ITPR1: variants seen among roughly 807,000 people sequenced by gnomAD.
ITPR1 encodes the protein inositol 1,4,5-trisphosphate-gated calcium channel ITPR1.
ITPR1 carries 96 observed loss-of-function variants against 318.4 expected under a neutral mutation model. The ratio of observed to expected loss-of-function variants is 0.30; its 90% confidence interval spans 0.26 to 0.36. ITPR1 has a LOEUF of 0.36. ITPR1 is among the 10% of genes least tolerant of loss of function. The pLI, the probability that ITPR1 is intolerant of heterozygous loss-of-function variation, is 1.00. For missense variants in ITPR1, 2,440 were observed against 3,460.2 expected (o/e 0.71, Z 7.40); for synonymous variants, 1,312 against 1,289.9 (o/e 1.02, Z -0.37).
chr3:4,621,692 T>A (rs2092640710), intron 4 of ITPR1, among the ~76,000 whole-genome samples: 1 of 152,234 alleles, frequency 6.6e-6, no homozygotes, highest in Admixed American at 6.5e-5. Context: ...TGCTTCCCTC[T>A]CAAGCCTTAT....
At chr3:4,756,231 G>A (rs1327096130) in intron 44 of ITPR1, among the ~76,000 whole-genome samples, 2 of 152,168 alleles carry the variant, frequency 1.3e-5, no homozygotes, top group East Asian at 3.8e-4. Context: ...CTGCCTTTGG[G>A]TGTATTAAAC....
intron 30 of ITPR1, among the ~76,000 whole-genome samples, chr3:4,685,418 T>C (rs755808882): frequency 6.6e-6 from 1 of 152,266 alleles, no homozygotes; most frequent in Non-Finnish European, 1.5e-5. Context: ...AGTTTTAAGA[T>C]TCTGTAAAGA....
intron 4 of ITPR1, among the ~76,000 whole-genome samples, chr3:4,530,987 C>T (rs796677534): frequency 6.6e-6 from 1 of 152,154 alleles, no homozygotes; most frequent in Non-Finnish European, 1.5e-5. Flanking sequence ...TAAGTACCTT[C>T]CTCCTTTGTG....
intron 4 of ITPR1, among the ~76,000 whole-genome samples, chr3:4,614,020 C>T (rs1467185444): frequency 1.3e-5 from 2 of 152,158 alleles, no homozygotes; most frequent in Admixed American, 1.3e-4. Context: ...TCTAGTTGCG[C>T]CTGTTTTTGA....
chr3:4,647,260 A>G (rs149829044), intron 10 of ITPR1, among the ~76,000 whole-genome samples: 36 of 152,238 alleles, frequency 2.4e-4, no homozygotes, highest in African/African-American at 7.7e-4. Context: ...ATAATACTCC[A>G]TCATATGGAT....
At chr3:4,718,224 A>C (rs767791454) in intron 40 of ITPR1, among the ~76,000 whole-genome samples, 7 of 152,246 alleles carry the variant, frequency 4.6e-5, no homozygotes, top group African/African-American at 7.2e-5. Flanking sequence ...TGAGGAATTC[A>C]TGTACATAAT....
intron 54 of ITPR1, among the ~76,000 whole-genome samples, chr3:4,803,461 G>T (rs187315423): frequency 1.3e-5 from 2 of 152,170 alleles, no homozygotes; most frequent in African/African-American, 4.8e-5. Context: ...TAGTTTTTCA[G>T]GGTGAAAATG....
At chr3:4,588,046 A>G (rs781049288) in intron 4 of ITPR1, among the ~76,000 whole-genome samples, 12 of 152,166 alleles carry the variant, frequency 7.9e-5, no homozygotes, top group South Asian at 2.1e-4. Flanking sequence ...TTAGTCATAT[A>G]AAATCACAAA....
intron 19 of ITPR1, 114 bp downstream of exon 19, chr3:4,669,887 C>A: frequency 1.8e-6 from 2 of 1,086,936 alleles, no homozygotes; most frequent in Non-Finnish European, 2.4e-6. Flanking sequence ...GTCAGTGTGG[C>A]TGGCATTTGA....
chr3:4,684,723 G>A (rs147587554), intron 29 of ITPR1, among the ~76,000 whole-genome samples: 16 of 152,278 alleles, frequency 1.1e-4, no homozygotes, highest in African/African-American at 2.9e-4. Flanking sequence ...CTTTGCGTAC[G>A]CTGGTTCAAA....
chr3:4,627,457 C>T (rs774810264), intron 4 of ITPR1, among the ~76,000 whole-genome samples: 3 of 151,904 alleles, frequency 2.0e-5, no homozygotes, highest in South Asian at 2.1e-4. Context: ...GAGGGAGACT[C>T]AGTCTTAAAA....
At chr3:4,727,588 T>C (rs2042610838) in intron 42 of ITPR1, among the ~76,000 whole-genome samples, 1 of 152,166 alleles carries the variant, frequency 6.6e-6, no homozygotes, top group Admixed American at 6.5e-5. Context: ...TTGGGGTGGT[T>C]TTTTAGAGAC....
intron 21 of ITPR1, among the ~76,000 whole-genome samples, chr3:4,673,732 A>G (rs931719662): frequency 5.9e-5 from 9 of 151,976 alleles, no homozygotes; most frequent in African/African-American, 1.9e-4. Context: ...ACAGACGCCC[A>G]CCACCACGCC....
At chr3:4,645,294 C>G in intron 8 of ITPR1, 93 bp from the exon 9 acceptor site, 1 of 847,426 alleles carries the variant, frequency 1.2e-6, no homozygotes, top group East Asian at 2.6e-5. Flanking sequence ...CAAGTACAGC[C>G]TTGCTTCCTA....
rs1381746020 is a variant in ITPR1, at chr3:4,699,955, A to G, written c.4536+14A>G. The G allele has an allele frequency of 6.2e-7, 1 of 1,610,228 alleles. No homozygotes were observed. The highest frequency in any genetic ancestry group is 8.5e-7 in the Non-Finnish European group (1 of 1,176,842). ...ACGACTTTGCAGGTAAGAAATAACC[A>G]ACGTCAAGCAGAATGTTCACGATAC... On this transcript the variant is annotated intron_variant, in intron 35 of 61. Transcript: ENST00000649015.
intron 60 of ITPR1, among the ~76,000 whole-genome samples, chr3:4,825,402 C>G (rs1279379548): frequency 6.6e-6 from 1 of 152,100 alleles, no homozygotes; most frequent in African/African-American, 2.4e-5. Context: ...GCCCAGGAGC[C>G]CGCATTCCTG....
intron 46 of ITPR1, among the ~76,000 whole-genome samples, chr3:4,771,034 A>T (rs1227372708): frequency 6.6e-6 from 1 of 152,106 alleles, no homozygotes; most frequent in African/African-American, 2.4e-5. Flanking sequence ...GAGCATGGTG[A>T]TCAGTGCCCC....
At chr3:4,502,411 T>A (rs1172526086) in intron 2 of ITPR1, among the ~76,000 whole-genome samples, 1 of 152,068 alleles carries the variant, frequency 6.6e-6, no homozygotes, top group Non-Finnish European at 1.5e-5. Context: ...CTTTGAAGGC[T>A]GCTTGGAAAA....
chr3:4,785,313 G>A (rs2047111961), intron 51 of ITPR1, among the ~76,000 whole-genome samples: 1 of 152,194 alleles, frequency 6.6e-6, no homozygotes, highest in East Asian at 1.9e-4. Flanking sequence ...CAGAATCCAA[G>A]AGAACACAGA....
Sources: gnomAD v4.1 joint callset for allele counts (sites outside exome capture counted in the v4.1 genomes callset) on GRCh38, gnomAD v4.1.1 for gene constraint, MANE v1.5 for transcripts, NCBI Gene and HGNC (gene_info 2026-07-23, HGNC 2026-07-21) for gene names.